Variants in CACNA1E observed in about 807,000 individuals in gnomAD.
CACNA1E encodes calcium voltage-gated channel subunit alpha1 E.
Under a neutral mutation model 259.2 loss-of-function variants are expected in CACNA1E, and 40 were observed. The observed-to-expected ratio is 0.15, with a 90% CI of 0.12 to 0.20. The LOEUF (loss-of-function observed/expected upper bound fraction) is 0.20. Ranked by LOEUF, CACNA1E falls within the 10% of genes least tolerant of loss-of-function variation. The pLI is 1.00. For missense variants in CACNA1E, 1,874 were observed against 3,040.1 expected, an observed-to-expected ratio of 0.62 and a Z score of 9.02; for synonymous variants, 1,104 against 1,138.5, an observed-to-expected ratio of 0.97 and a Z score of 0.61.
intron 33 of CACNA1E, 88 bp from the exon 34 acceptor site, chr1:181,763,318 A>G (rs1658748869): frequency 9.4e-7 from 1 of 1,059,532 alleles, no homozygotes; most frequent in South Asian, 1.7e-5. Context: ...ATTTATCGGA[A>G]TGAGGGATAA....
At chr1:181,528,702 A>G (rs1667545386) in intron 3 of CACNA1E, among the ~76,000 whole-genome samples, 1 of 152,200 alleles carries the variant, frequency 6.6e-6, no homozygotes, top group South Asian at 2.1e-4. Context: ...ATGTTTTTGC[A>G]AAGAGACTGG....
chr1:181,742,097 G>GCCA (rs1656634755), intron 25 of CACNA1E, among the ~76,000 whole-genome samples: 1 of 151,990 alleles, frequency 6.6e-6, no homozygotes, highest in South Asian at 2.1e-4. Context: ...CCCCTCCTTT[G>GCCA]GCCTTCGTCA....
intron 7 of CACNA1E, among the ~76,000 whole-genome samples, chr1:181,694,205 T>C (rs574050043): frequency 6.6e-6 from 1 of 152,348 alleles, no homozygotes; most frequent in East Asian, 1.9e-4. Flanking sequence ...ATTTAGCATT[T>C]GAAAATCAGT....
At chr1:181,602,306 G>C (rs1351412526) in intron 6 of CACNA1E, among the ~76,000 whole-genome samples, 1 of 152,186 alleles carries the variant, frequency 6.6e-6, no homozygotes, top group African/African-American at 2.4e-5. Context: ...AGTACAGATT[G>C]AGTTACTTTT....
At chr1:181,542,889 TTA>T (rs1402536150) in intron 3 of CACNA1E, among the ~76,000 whole-genome samples, 1 of 149,102 alleles carries the variant, frequency 6.7e-6, no homozygotes, top group African/African-American at 2.5e-5. Context: ...TTTGATGTGT[TTA>T]TTAGTTTGGG....
intron 2 of CACNA1E, among the ~76,000 whole-genome samples, chr1:181,424,864 C>T (rs1247030092): frequency 6.6e-6 from 1 of 152,126 alleles, no homozygotes; most frequent in African/African-American, 2.4e-5. Flanking sequence ...TCAGAGTCTC[C>T]TCCCTGTTTG....
intron 1 of CACNA1E, among the ~76,000 whole-genome samples, chr1:181,349,924 C>T (rs534750756): frequency 1.3e-4 from 20 of 152,276 alleles, no homozygotes; most frequent in African/African-American, 3.6e-4. Flanking sequence ...AGTATCCTGG[C>T]GTGTAGTTGG....
In CACNA1E at chr1:181,794,864, G is replaced by A. The variant is rs1553360130; in HGVS notation, c.6028G>A (p.Val2010Met). 1.9e-6 allele frequency: 3 copies of A among 1,608,204 alleles called. No individual in the cohort carries two copies. The highest frequency in any genetic ancestry group is 2.7e-5 in the African/African-American group (2 of 74,730). Residue 2010 changes from valine (V) to methionine (M), a missense_variant and splice_region_variant, in exon 46 of 48, where the codon GTG becomes ATG. Val to Met is a conservative substitution (Grantham distance 21). This residue lies in a region of CACNA1E where 542 missense variants were observed against 587.2 expected (regional missense o/e 0.92). Transcript: ENST00000367573. ...TTTCTCTGGGGGCTTGTATTTCCAG[G>A]TGGTGACAGACCCTAGCTCCATGAG... ...SMPRLTVDPQVVTDPSSMRRS... is the reference protein window; with the variant it reads ...SMPRLTVDPQMVTDPSSMRRS...
At chr1:181,577,981 A>ATATT in intron 4 of CACNA1E, 112 bp downstream of exon 4, 5 of 652,108 alleles carry the variant, frequency 7.7e-6, no homozygotes, top group Non-Finnish European at 1.1e-5. Context: ...CCTGGGAGGA[A>ATATT]GCCTCAGTGG....
At chr1:181,739,298 C>G in intron 25 of CACNA1E, 45 bp downstream of exon 25, 1 of 1,238,086 alleles carries the variant, frequency 8.1e-7, no homozygotes, top group Admixed American at 1.7e-5. Context: ...TCCCCTCTTC[C>G]TGGAGACTCC....
intron 34 of CACNA1E, among the ~76,000 whole-genome samples, chr1:181,764,547 G>C (rs1479613683): frequency 6.6e-6 from 1 of 152,204 alleles, no homozygotes; most frequent in Admixed American, 6.5e-5. Context: ...TCGAGGACCT[G>C]GGATTTTGAG....
chr1:181,491,277 C>T (rs76752314), intron 1 of CACNA1E, among the ~76,000 whole-genome samples: 5 of 151,908 alleles, frequency 3.3e-5, no homozygotes, highest in East Asian at 1.9e-4. Flanking sequence ...CAGACATAGG[C>T]GGTCTGCCCG....
chr1:181,341,509 G>A (rs1478345725), intron 1 of CACNA1E, among the ~76,000 whole-genome samples: 2 of 152,202 alleles, frequency 1.3e-5, no homozygotes, highest in Admixed American at 1.3e-4. Context: ...AGGGTTGGCT[G>A]TGCTCTGAAG....
chr1:181,718,096 A>G lies in CACNA1E; in HGVS notation c.1567A>G (p.Met523Val). The change falls in exon 12 of 48, where the codon ATG becomes GTG. Residue 523 changes from methionine (M) to valine (V), a missense_variant. Physicochemically the swap from Met to Val is conservative, Grantham distance 21. Coordinates refer to ENST00000367573, the MANE Select transcript of CACNA1E (RefSeq NM_001205293.3). The part of the protein sequence containing the change: ...FLFLGLFLLE[M>V]SLKMYGMGPR... ...GTTTCTGGGACTCTTCCTCTTGGAGATGTCCCTGAAGATGTATGGCATGGG... is the reference window on the plus strand; with the variant it reads ...GTTTCTGGGACTCTTCCTCTTGGAGGTGTCCCTGAAGATGTATGGCATGGG... 6.2e-7 allele frequency: 1 copy of G among 1,606,990 alleles called. No homozygotes were observed. Among genetic ancestry groups the G allele is most frequent in the South Asian group, 1.1e-5 (1 of 90,866 alleles).
chr1:181,436,233 T>A (rs1011356077), intron 2 of CACNA1E, among the ~76,000 whole-genome samples: 6 of 152,212 alleles, frequency 3.9e-5, no homozygotes, highest in Admixed American at 3.9e-4. Context: ...GGTGAAAATG[T>A]AGAGAGAAGG....
chr1:181,438,042 T>C (rs562595258), intron 2 of CACNA1E, among the ~76,000 whole-genome samples: 42 of 152,302 alleles, frequency 2.8e-4, no homozygotes, highest in African/African-American at 8.9e-4. Context: ...TCCCCACAAA[T>C]GACACTACCA....
intron 3 of CACNA1E, among the ~76,000 whole-genome samples, chr1:181,547,751 A>G (rs1218078991): frequency 2.0e-5 from 3 of 152,250 alleles, no homozygotes; most frequent in Non-Finnish European, 1.5e-5. Context: ...TTGCGATGCA[A>G]TTAGCACTTT....
At chr1:181,394,807 G>A (rs1438928631) in intron 1 of CACNA1E, among the ~76,000 whole-genome samples, 3 of 152,236 alleles carry the variant, frequency 2.0e-5, no homozygotes, top group Non-Finnish European at 4.4e-5. Context: ...TGCAAATGCT[G>A]TGGGAGTGAG....
At chr1:181,769,050 C>T (rs1470183881) in intron 35 of CACNA1E, among the ~76,000 whole-genome samples, 1 of 152,146 alleles carries the variant, frequency 6.6e-6, no homozygotes, top group Non-Finnish European at 1.5e-5. Context: ...AGAAAGAGCC[C>T]TGTGGCTACG....
Sources: gnomAD v4.1 joint callset for allele counts (sites outside exome capture counted in the v4.1 genomes callset) on GRCh38, gnomAD v4.1.1 for gene constraint, gnomAD v4.1.1 regional missense constraint, MANE v1.5 for transcripts, NCBI Gene and HGNC (gene_info 2026-07-23, HGNC 2026-07-21) for gene names.